The following DNAH17 variants were observed in gnomAD, a reference collection of about 807,000 sequenced individuals.
DNAH17 encodes dynein axonemal heavy chain 17.
A neutral mutation model predicts 485.6 loss-of-function variants in DNAH17; 376 were observed. The ratio of observed to expected loss-of-function variants is 0.77; its 90% CI spans 0.71 to 0.84. The LOEUF (loss-of-function observed/expected upper bound fraction) is 0.84, where lower values mean the gene tolerates loss of function less well. Ranked by LOEUF, DNAH17 falls within the 40% of genes least tolerant of loss-of-function variation. DNAH17 has a pLI of 0.00. For missense variants in DNAH17, 6,370 were observed against 5,839.3 expected, an observed-to-expected ratio of 1.09 and a Z score of -2.96; for synonymous variants, 3,031 against 2,405.9, an observed-to-expected ratio of 1.26 and a Z score of -7.60.
Position 78,525,180 on chromosome 17 carries a change from C to T in DNAH17, c.3712-19G>A. The T allele has an allele frequency of 1.2e-6, 2 of 1,608,496 alleles. No homozygotes were observed. The highest frequency in any genetic ancestry group is 1.7e-6 in the Non-Finnish European group (2 of 1,177,960). On this transcript the variant is annotated intron_variant, in intron 24 of 80. Transcript: ENST00000389840. ...TTTGTTGCTAGGGGCGGCGAGGGGG[C>T]CGTCAGTAGGGCTACCTACCCTCAG...
intron 14 of DNAH17, among the ~76,000 whole-genome samples, chr17:78,556,242 C>G (rs764500557): frequency 6.6e-6 from 1 of 152,162 alleles, no homozygotes; most frequent in Non-Finnish European, 1.5e-5. Context: ...CCTCCATCCT[C>G]CCATCTGTCT....
chr17:78,489,809 G>A (rs979516758), intron 44 of DNAH17, among the ~76,000 whole-genome samples: 1 of 120,470 alleles, frequency 8.3e-6, no homozygotes, highest in African/African-American at 3.1e-5. Context: ...GCAGGTGTGC[G>A]AAGTACTGGG....
intron 14 of DNAH17, among the ~76,000 whole-genome samples, chr17:78,557,872 A>C (rs2092061470): frequency 6.6e-6 from 1 of 151,968 alleles, no homozygotes; most frequent in South Asian, 2.1e-4. Flanking sequence ...AAGATCTCCA[A>C]GTGGAACAGA....
chr17:78,445,935 C>G (rs960342224), intron 69 of DNAH17, among the ~76,000 whole-genome samples: 1 of 150,516 alleles, frequency 6.6e-6, no homozygotes, highest in South Asian at 2.1e-4. Context: ...TTTGGGAGGC[C>G]GAGGAGGGGG....
chr17:78,452,822 G>C (rs1221482184), intron 65 of DNAH17, among the ~76,000 whole-genome samples: 4 of 152,188 alleles, frequency 2.6e-5, no homozygotes, highest in Admixed American at 6.5e-5. Context: ...GAAATGTCCA[G>C]AATAGGCAAA....
Position 78,425,437 on chromosome 17 carries a change from C to T in DNAH17, c.13050G>A (p.Met4350Ile), listed in dbSNP as rs372412671. ...ARKNEWPLDK[M>I]CLSVEVTKKN... ...TCTTGGTCACCTCGACAGACAGACA[C>T]ATCTTGTCCAGGGGCCACTCGTTCT... Residue 4350 changes from methionine to isoleucine, a missense_variant, in exon 80 of 81, where the codon ATG (methionine) becomes ATA (isoleucine). Coordinates refer to ENST00000389840, the MANE Select transcript of DNAH17 (RefSeq NM_173628.4). The T allele has an allele frequency of 4.5e-5, 73 of 1,613,880 alleles. No individual in the cohort carries two copies. Among genetic ancestry groups the T allele is most frequent in the Non-Finnish European group, 5.8e-5 (68 of 1,179,900 alleles).
chr17:78,510,961 A>G (rs2143082430), intron 26 of DNAH17, among the ~76,000 whole-genome samples: 1 of 152,370 alleles, frequency 6.6e-6, no homozygotes, highest in African/African-American at 2.4e-5. Context: ...AGGCAGAGAC[A>G]GGCATGATGC....
chr17:78,516,938 A>T (rs1362739809), intron 25 of DNAH17, among the ~76,000 whole-genome samples: 2 of 152,246 alleles, frequency 1.3e-5, no homozygotes, highest in Non-Finnish European at 2.9e-5. Context: ...CTTGTATGGG[A>T]ACATGGAATA....
Position 78,565,008 on chromosome 17 carries a change from G to C in DNAH17, c.1569+1606C>G, listed in dbSNP as rs530717307. 2.0e-5 allele frequency among the ~76,000 whole-genome samples: 3 copies of C among 152,238 alleles called. No individual in the cohort carries two copies. In the East Asian group the frequency reaches 5.8e-4, roughly 29 times the overall value. On this transcript the variant is annotated intron_variant, in intron 11 of 80. Transcript: ENST00000389840. The stretch of plus-strand genomic sequence containing the variant: ...CAGGGTCTCCATCCTCCACCATCCC[G>C]CAGGGGATGTCTGATTACCCTAACC...
Position 78,425,266 on chromosome 17 carries a change from G to T in DNAH17, c.13141+80C>A. On this transcript the variant is annotated intron_variant, in intron 80 of 80. Transcript: ENST00000389840. ...CACAGCTCTTGAACAGCCTGTCTTTGCCAAGAGCTAGTTTTATCTTGTCTT... is the reference window on the plus strand; with the variant it reads ...CACAGCTCTTGAACAGCCTGTCTTTTCCAAGAGCTAGTTTTATCTTGTCTT... 2.1e-6 allele frequency: 3 copies of T among 1,412,434 alleles called. No homozygotes were observed. The South Asian group carries it at 3.8e-5, about 18-fold the overall frequency. The allele number at this position is 1,412,434 out of a possible 1,614,324, so 87.5% of individuals were successfully genotyped here. A position where few individuals can be genotyped will look rare whatever the true frequency, so the allele number is the denominator to read the frequency against.
chr17:78,483,633 AAATAATAAT>A (rs536576212), intron 48 of DNAH17, among the ~76,000 whole-genome samples: 1 of 65,422 alleles, frequency 1.5e-5, no homozygotes, highest in Non-Finnish European at 3.2e-5. Context: ...TCTGTCTTGG[AAATAATAAT>A]AATAATAATA....
In DNAH17 at chr17:78,529,635, T is replaced by A. The variant is rs2091174987; in HGVS notation, c.3344A>T (p.Lys1115Met). 6.2e-7 allele frequency: 1 copy of A among 1,613,902 alleles called. No individual in the cohort carries two copies. The highest frequency in any genetic ancestry group is 8.5e-7 in the Non-Finnish European group (1 of 1,179,868). The change falls in exon 22 of 81, where the codon AAG becomes ATG. Residue 1115 changes from lysine to methionine, a missense_variant. Lys to Met is a moderately conservative substitution (Grantham distance 95). Coordinates refer to ENST00000389840, the MANE Select transcript of DNAH17 (RefSeq NM_173628.4). The stretch of plus-strand genomic sequence containing the variant: ...CACAAGCCCATCATAGTCCCCCTCC[T>A]TGAGGGGCTTGGTCAAGCCCATTCT... ...VARMGLTKPL[K>M]EGDYDGLVEV...
chr17:78,478,079 T>TCACCACCAC (rs1349780027), intron 51 of DNAH17, among the ~76,000 whole-genome samples: 1 of 57,026 alleles, frequency 1.8e-5, no homozygotes, highest in African/African-American at 1.1e-4. Flanking sequence ...ACCACCACCA[T>TCACCACCAC]CATCACCATC....
At chr17:78,534,405 G>A (rs1220351773) in intron 19 of DNAH17, among the ~76,000 whole-genome samples, 1 of 152,222 alleles carries the variant, frequency 6.6e-6, no homozygotes, top group Non-Finnish European at 1.5e-5. Context: ...GGGCCACCCT[G>A]CATGTAAGTT....
Position 78,468,861 on chromosome 17 carries a change from A to C in DNAH17, c.8534T>G (p.Ile2845Arg). Residue 2845 changes from isoleucine (I) to arginine (R), a missense_variant, in exon 55 of 81, where the codon ATA becomes AGA. Physicochemically the swap from Ile to Arg is moderately conservative, Grantham distance 97. Transcript: ENST00000389840. ...DLKIDLAAQYIKAAVKNVPSV... is the reference protein window; with the variant it reads ...DLKIDLAAQYRKAAVKNVPSV... The stretch of plus-strand genomic sequence containing the variant: ...GGGAACGTTCTTCACGGCAGCCTTT[A>C]TGTACTGAGCAGCGAGGTCAATCTG... The C allele has an allele frequency of 6.2e-7, 1 of 1,613,792 alleles. No homozygotes were observed. The highest frequency in any genetic ancestry group is 8.5e-7 in the Non-Finnish European group (1 of 1,179,890).
intron 25 of DNAH17, among the ~76,000 whole-genome samples, chr17:78,523,537 G>A (rs1447928811): frequency 6.6e-6 from 1 of 151,834 alleles, no homozygotes; most frequent in Non-Finnish European, 1.5e-5. Flanking sequence ...AAAGTCAATT[G>A]GAAAAAAAAA....
intron 66 of DNAH17, among the ~76,000 whole-genome samples, 191 bp downstream of exon 66, chr17:78,451,278 C>G (rs1221246290): frequency 6.6e-6 from 1 of 152,194 alleles, no homozygotes; most frequent in East Asian, 1.9e-4. Flanking sequence ...GAAGAGGGGA[C>G]AGCTGGGGAA....
intron 66 of DNAH17, 139 bp downstream of exon 66, chr17:78,451,330 G>A: frequency 1.4e-6 from 1 of 704,000 alleles, no homozygotes; most frequent in South Asian, 1.9e-5. Flanking sequence ...GTGATGCCGT[G>A]GGACACACTG....
rs1416608817 is a variant in DNAH17, at chr17:78,485,650, C to T, written c.7383G>A (p.Lys2461=). The T allele has an allele frequency of 1.2e-6, 2 of 1,614,044 alleles. No homozygotes were observed. The highest frequency in any genetic ancestry group is 1.7e-6 in the Non-Finnish European group (2 of 1,179,896). Residue 2461 remains lysine, a synonymous_variant, in exon 47 of 81, where the codon AAG becomes AAA. Coordinates refer to ENST00000389840, the MANE Select transcript of DNAH17 (RefSeq NM_173628.4). ...CCAGCTTGTCCCCCATCAGCACCGACTTGCCCGTCCCCGCGTTCCCCACCA... is the reference window on the plus strand; with the variant it reads ...CCAGCTTGTCCCCCATCAGCACCGATTTGCCCGTCCCCGCGTTCCCCACCA... ...VMLVGNAGTG[K]SVLMGDKLES...
Sources: allele counts gnomAD v4.1 joint callset (sites outside exome capture counted in the v4.1 genomes callset), GRCh38; gene constraint gnomAD v4.1.1; transcripts MANE v1.5; gene names NCBI Gene and HGNC (gene_info 2026-07-23, HGNC 2026-07-21).